Variants in DAGLA observed in about 807,000 individuals in gnomAD.
The protein encoded by DAGLA is diacylglycerol lipase-alpha.
DAGLA carries 22 observed loss-of-function variants against 102.6 expected under a neutral mutation model. That is an observed-to-expected ratio of 0.21 (90% CI 0.15 to 0.31). DAGLA has a LOEUF of 0.31. Ranked by LOEUF, DAGLA falls within the 10% of genes least tolerant of loss-of-function variation. The probability of loss-of-function intolerance (pLI) is 1.00; values close to 1 mark genes in which losing one functional copy is unlikely to be tolerated. For missense variants in DAGLA, 927 were observed against 1,446.6 expected (o/e 0.64, Z 5.83); for synonymous variants, 578 against 628.9 (o/e 0.92, Z 1.21).
Position 61,684,803 on chromosome 11 carries a change from T to C in DAGLA, c.-45+4299T>C, listed in dbSNP as rs1170002218. Among the ~76,000 whole-genome samples the C allele has an allele frequency of 6.6e-6, 1 of 151,846 alleles. No individual in the cohort carries two copies. Among genetic ancestry groups the C allele is most frequent in the Non-Finnish European group, 1.5e-5 (1 of 67,956 alleles). Reference sequence around the variant, plus strand: ...AGGCTCCCGTGTCTGGCTGGCCTGGTGTTGGTGGGTGTGCGGAGCTGGGGG... The same window carrying C: ...AGGCTCCCGTGTCTGGCTGGCCTGGCGTTGGTGGGTGTGCGGAGCTGGGGG... On this transcript the variant is annotated intron_variant, in intron 1 of 19. Coordinates refer to ENST00000257215, the MANE Select transcript of DAGLA (RefSeq NM_006133.3). This position sits in a 1 kb window ranked among gnomAD's most constrained non-coding sequence, Gnocchi z 4.5.
chr11:61,707,950 T>C (rs1266364124), intron 1 of DAGLA, among the ~76,000 whole-genome samples: 2 of 152,172 alleles, frequency 1.3e-5, no homozygotes, highest in Non-Finnish European at 2.9e-5. Context: ...TAAAGGGCAT[T>C]TAGGAGTCAT....
At position 61,735,791 on chromosome 11, in the gene DAGLA, A is replaced by G; in HGVS notation, c.1265A>G (p.His422Arg). ...GDAERLPVEG[H>R]HGTWLGHKGM... Reference sequence around the variant, plus strand: ...GCTGAGCGCCTCCCCGTGGAGGGGCACCACGGCACCTGGCTGGGCCACAAG... The same window carrying G: ...GCTGAGCGCCTCCCCGTGGAGGGGCGCCACGGCACCTGGCTGGGCCACAAG... Residue 422 changes from histidine (H) to arginine (R), a missense_variant, in exon 12 of 20, where the codon CAC becomes CGC. Around this residue, in one of 4 missense-constraint regions of DAGLA, gnomAD observed 218 missense variants for 459.6 expected, o/e 0.47. Coordinates refer to ENST00000257215, the MANE Select transcript of DAGLA (RefSeq NM_006133.3). The G allele has an allele frequency of 6.2e-7, 1 of 1,612,342 alleles. No individual in the cohort carries two copies. The highest frequency in any genetic ancestry group is 8.5e-7 in the Non-Finnish European group (1 of 1,179,328).
In DAGLA at chr11:61,739,477, G is replaced by T. The variant is rs1320098335; in HGVS notation, c.1669G>T (p.Val557Leu). Residue 557 changes from valine (V) to leucine (L), a missense_variant, in exon 17 of 20, where the codon GTG (valine) becomes TTG (leucine). Val to Leu is a conservative substitution (Grantham distance 32, BLOSUM62 1). Coordinates refer to ENST00000257215, the MANE Select transcript of DAGLA (RefSeq NM_006133.3). Reference protein sequence around the residue: ...RSTKPKWRIIVGATKCIPKSE... With the variant: ...RSTKPKWRIILGATKCIPKSE... ...CCACCCCGCGCAGTGGCGGATCATC[G>T]TGGGGGCCACCAAATGCATCCCCAA... 1 of 1,613,468 alleles carries T rather than the reference G, an allele frequency of 6.2e-7. No homozygotes were observed. Among genetic ancestry groups the T allele is most frequent in the Non-Finnish European group, 8.5e-7 (1 of 1,179,968 alleles).
chr11:61,728,906 CCTT>C (rs776073923), intron 7 of DAGLA, 22 bp from the exon 8 acceptor site: 88 of 1,610,664 alleles, frequency 5.5e-5, no homozygotes, highest in Non-Finnish European at 6.9e-5. Flanking sequence ...CAGTGATTGT[CCTT>C]CTTCACCTGC....
rs117930688 is a variant in DAGLA at position 61,692,193 on chromosome 11, G to A, written c.-45+11689G>A. On this transcript the variant is annotated intron_variant, in intron 1 of 19. Coordinates refer to ENST00000257215, the MANE Select transcript of DAGLA (RefSeq NM_006133.3). ...CAGGTGCCCACGTGGCCCATGAGCC[G>A]GCAGCTTCAGCATCACCTGGGACCA... Among the ~76,000 whole-genome samples the A allele has an allele frequency of 1.2e-3, 187 of 152,280 alleles. 1 individual carries two copies. Among genetic ancestry groups the A allele is most frequent in the East Asian group, 0.011 (56 of 5,172 alleles).
intron 18 of DAGLA, 109 bp from the exon 19 acceptor site, chr11:61,741,053 C>G: frequency 9.1e-7 from 1 of 1,093,982 alleles, no homozygotes; most frequent in Non-Finnish European, 1.3e-6. Context: ...CCAAGTGACT[C>G]CATGAGGCTT....
At chr11:61,740,194 G>T (rs950758390) in intron 17 of DAGLA, among the ~76,000 whole-genome samples, 1 of 152,184 alleles carries the variant, frequency 6.6e-6, no homozygotes, top group Non-Finnish European at 1.5e-5. Flanking sequence ...GAGCTGGGCC[G>T]TGCAGCAGGT....
chr11:61,731,930 A>G (rs531150069), intron 9 of DAGLA, among the ~76,000 whole-genome samples: 76 of 152,278 alleles, frequency 5.0e-4, no homozygotes, highest in African/African-American at 1.7e-3. Context: ...CCCAATCCAT[A>G]GAGGTCTTTG....
intron 9 of DAGLA, among the ~76,000 whole-genome samples, chr11:61,733,232 T>C (rs1470741538): frequency 6.6e-6 from 1 of 152,098 alleles, no homozygotes; most frequent in Admixed American, 6.5e-5. Flanking sequence ...AACTCAAGCC[T>C]CCAGTCTCCA....
At chr11:61,725,253 AG>A (rs2065315367) in intron 5 of DAGLA, among the ~76,000 whole-genome samples, 1 of 152,114 alleles carries the variant, frequency 6.6e-6, no homozygotes, top group Admixed American at 6.5e-5. Context: ...CCAGCCTAGG[AG>A]GAACCTCTGT....
At chr11:61,697,639 G>A (rs1275656270) in intron 1 of DAGLA, among the ~76,000 whole-genome samples, 3 of 152,006 alleles carry the variant, frequency 2.0e-5, no homozygotes, top group Admixed American at 1.3e-4. Context: ...GTGGCTCAGA[G>A]GTTCCTTCCC....
At chr11:61,722,355 G>A (rs1354772823) in intron 3 of DAGLA, among the ~76,000 whole-genome samples, 5 of 152,218 alleles carry the variant, frequency 3.3e-5, no homozygotes, top group Non-Finnish European at 7.3e-5. Context: ...GGAGGCCGAG[G>A]CGGGTGGACC....
intron 1 of DAGLA, 149 bp from the exon 2 acceptor site, chr11:61,719,963 C>A: frequency 4.9e-6 from 3 of 610,076 alleles, no homozygotes; most frequent in Non-Finnish European, 8.7e-6. Flanking sequence ...GGCTCCTGCC[C>A]GGAGGTGGGT....
Position 61,723,039 on chromosome 11 carries a change from C to T in DAGLA, c.409+79C>T, listed in dbSNP as rs2065297523. 5 of 1,220,124 alleles carry T rather than the reference C, an allele frequency of 4.1e-6. No homozygotes were observed. The Admixed American group carries it at 8.7e-5, about 21-fold the overall frequency. 75.6% of individuals were successfully genotyped at this position (1,220,124 alleles called of 1,614,324 possible). Reference sequence around the variant, plus strand: ...CGAGATCAGTTTAGAGAGGAAGAAGCTTGGGCATTGCCAGAGGGCAGTGCC... The same window carrying T: ...CGAGATCAGTTTAGAGAGGAAGAAGTTTGGGCATTGCCAGAGGGCAGTGCC... On this transcript the variant is annotated intron_variant, in intron 4 of 19. Transcript: ENST00000257215.
intron 8 of DAGLA, 100 bp downstream of exon 8, chr11:61,729,108 C>A: frequency 9.8e-7 from 1 of 1,019,416 alleles, no homozygotes; most frequent in Non-Finnish European, 1.5e-6. Context: ...GCAGTGCCAG[C>A]CACATTGCCC....
At chr11:61,719,985 G>A in intron 1 of DAGLA, 127 bp from the exon 2 acceptor site, 1 of 633,246 alleles carries the variant, frequency 1.6e-6, no homozygotes. Context: ...AGCACTTCCA[G>A]TGGCCAGCTC....
At chr11:61,728,352 C>G in intron 7 of DAGLA, 65 bp downstream of exon 7, 1 of 1,580,066 alleles carries the variant, frequency 6.3e-7, no homozygotes. Context: ...GGCCCCTTCC[C>G]TGTGGCCCCT....
intron 1 of DAGLA, among the ~76,000 whole-genome samples, chr11:61,696,443 G>A (rs1026202736): frequency 6.6e-6 from 1 of 152,232 alleles, no homozygotes; most frequent in African/African-American, 2.4e-5. Context: ...GAGGAGCAGT[G>A]GGGCCGGGGC....
chr11:61,744,558 C>A lies in DAGLA; in HGVS notation c.*69C>A. ...GCCCTGTGGGCACCTGGTGCCTGCC[C>A]CCTGCCGGGCAGCTTTAAGGACAGA... is the stretch of plus-strand genomic sequence containing the variant. On this transcript the variant is annotated 3_prime_UTR_variant, in exon 20 of 20. Coordinates refer to ENST00000257215, the MANE Select transcript of DAGLA (RefSeq NM_006133.3). The A allele has an allele frequency of 7.4e-7, 1 of 1,356,616 alleles. No homozygotes were observed. Among genetic ancestry groups the A allele is most frequent in the Non-Finnish European group, 1.0e-6 (1 of 997,362 alleles). The allele number at this position is 1,356,616 out of a possible 1,614,324, so 84.0% of individuals were successfully genotyped here. A position where few individuals can be genotyped will look rare whatever the true frequency, so the allele number is the denominator to read the frequency against.
Sources: gnomAD v4.1 joint callset for allele counts (sites outside exome capture counted in the v4.1 genomes callset) on GRCh38, gnomAD v4.1.1 for gene constraint, gnomAD v4.1.1 regional missense constraint, Gnocchi (gnomAD v3.1) non-coding constraint, MANE v1.5 for transcripts, NCBI Gene and HGNC (gene_info 2026-07-23, HGNC 2026-07-21) for gene names.